Variants in B3GNT3 observed in about 807,000 individuals in gnomAD.
B3GNT3 encodes the protein UDP-GlcNAc:betaGal beta-1,3-N-acetylglucosaminyltransferase 3.
In B3GNT3, 7 loss-of-function variants were observed where a neutral mutation model predicts 11.6. The observed-to-expected ratio is 0.60, with a 90% CI of 0.34 to 1.13. The LOEUF (loss-of-function observed/expected upper bound fraction) is 1.13. Ranked by LOEUF, B3GNT3 falls within the 50% of genes most tolerant of loss-of-function variation. The probability of loss-of-function intolerance (pLI) is 0.03; values close to 1 mark genes in which losing one functional copy is unlikely to be tolerated. For missense variants in B3GNT3, 400 were observed against 507.4 expected (o/e 0.79, Z 2.03); for synonymous variants, 201 against 222.1 (o/e 0.90, Z 0.85).
intron 1 of B3GNT3, among the ~76,000 whole-genome samples, chr19:17,795,413 C>T (rs1599841604): frequency 6.6e-6 from 1 of 152,230 alleles, no homozygotes; most frequent in Admixed American, 6.5e-5. Context: ...CCAGCTCGGA[C>T]CTGGGTCGGG....
chr19:17,808,393 A>G lies in B3GNT3; in HGVS notation c.567+19A>G. The G allele has an allele frequency of 6.3e-7, 1 of 1,579,842 alleles. No homozygotes were observed. The highest frequency in any genetic ancestry group is 8.6e-7 in the Non-Finnish European group (1 of 1,159,950). On this transcript the variant is annotated intron_variant, in intron 2 of 2. Coordinates refer to ENST00000318683, the MANE Select transcript of B3GNT3 (RefSeq NM_014256.4). ...CAAGCAGGTGCGCTGGACTGGGGTC[A>G]CCTGATCGGGGCCACCTGTCCTTCT... is the stretch of plus-strand genomic sequence containing the variant.
At chr19:17,803,286 G>C (rs186457838) in intron 1 of B3GNT3, among the ~76,000 whole-genome samples, 1 of 152,134 alleles carries the variant, frequency 6.6e-6, no homozygotes, top group African/African-American at 2.4e-5. Flanking sequence ...GATTACAGAC[G>C]TGGGCCACAG....
intron 1 of B3GNT3, among the ~76,000 whole-genome samples, chr19:17,801,184 T>TTTTGTTTG (rs1031057561): frequency 2.0e-5 from 3 of 152,174 alleles, no homozygotes; most frequent in African/African-American, 7.2e-5. Flanking sequence ...GCAGCACTTT[T>TTTTGTTTG]TTTGTTTGTT....
At chr19:17,796,465 AG>A (rs1218731333) in intron 1 of B3GNT3, among the ~76,000 whole-genome samples, 4 of 152,178 alleles carry the variant, frequency 2.6e-5, no homozygotes, top group African/African-American at 9.6e-5. Context: ...GGACTCCTGC[AG>A]TCCAGATCTG....
rs1031756415 is a variant in B3GNT3 at position 17,811,375 on chromosome 19, T to C, written c.568-196T>C. 2.0e-5 allele frequency among the ~76,000 whole-genome samples: 3 copies of C among 152,182 alleles called. No homozygotes were observed. The highest frequency in any genetic ancestry group is 4.8e-5 in the African/African-American group (2 of 41,446). On this transcript the variant is annotated intron_variant, in intron 2 of 2. Coordinates refer to ENST00000318683, the MANE Select transcript of B3GNT3 (RefSeq NM_014256.4). The surrounding 1 kb of genome is among the most constrained non-coding windows in gnomAD (Gnocchi z 4.1). Reference sequence around the variant, plus strand: ...ATTCCCCAACACTCCTAGAGGCACATGATAAGGCCTGTTTGGAGAGTTGAA... The same window carrying C: ...ATTCCCCAACACTCCTAGAGGCACACGATAAGGCCTGTTTGGAGAGTTGAA...
intron 1 of B3GNT3, among the ~76,000 whole-genome samples, chr19:17,806,933 C>T (rs1445356066): frequency 7.1e-6 from 1 of 140,420 alleles, no homozygotes; most frequent in African/African-American, 2.7e-5. Flanking sequence ...GCCTGGGCAA[C>T]TCCATCTCAA....
chr19:17,799,657 A>G (rs1028805112), intron 1 of B3GNT3, among the ~76,000 whole-genome samples: 2 of 152,002 alleles, frequency 1.3e-5, no homozygotes, highest in Non-Finnish European at 2.9e-5. Flanking sequence ...TAGCTGGGTC[A>G]GAAGGCCCTT....
In B3GNT3 at chr19:17,808,172, G is replaced by T; in HGVS notation, c.365G>T (p.Arg122Leu). 6.2e-7 allele frequency: 1 copy of T among 1,610,782 alleles called. No individual in the cohort carries two copies. The highest frequency in any genetic ancestry group is 8.5e-7 in the Non-Finnish European group (1 of 1,178,248). The change falls in exon 2 of 3, where the codon CGC becomes CTC. Residue 122 changes from arginine to leucine, a missense_variant. Arg to Leu is a moderately radical substitution (Grantham distance 102). Coordinates refer to ENST00000318683, the MANE Select transcript of B3GNT3 (RefSeq NM_014256.4). ...VIKSSPSNYV[R>L]RELLRRTWGR... ...AAGTCCTCCCCTAGCAACTATGTGC[G>T]CCGCGAGCTGCTGCGGCGCACGTGG...
Position 17,804,477 on chromosome 19 carries a change from T to G in B3GNT3, c.-50-3281T>G, listed in dbSNP as rs564663805. Among the ~76,000 whole-genome samples the G allele has an allele frequency of 5.0e-3, 746 of 148,056 alleles. 11 individuals carry two copies. Among genetic ancestry groups the G allele is most frequent in the African/African-American group, 0.018 (720 of 40,214 alleles). On this transcript the variant is annotated intron_variant, in intron 1 of 2. Coordinates refer to ENST00000318683, the MANE Select transcript of B3GNT3 (RefSeq NM_014256.4). ...CTGATCTCGAACTCCTGAGCTCAAGTGATTGCCTCGGCTTCCCAAAGTGCT... is the reference window on the plus strand; with the variant it reads ...CTGATCTCGAACTCCTGAGCTCAAGGGATTGCCTCGGCTTCCCAAAGTGCT...
chr19:17,811,821 T>G lies in B3GNT3; in HGVS notation c.818T>G (p.Phe273Cys). The G allele has an allele frequency of 6.2e-7, 1 of 1,614,188 alleles. No individual in the cohort carries two copies. Among genetic ancestry groups the G allele is most frequent in the Non-Finnish European group, 8.5e-7 (1 of 1,180,018 alleles). ...RYPPYCGGGG[F>C]LLSRFTAAAL... ...CCACCCTATTGTGGGGGTGGTGGCT[T>G]CTTGCTGTCCCGCTTCACGGCCGCT... Residue 273 changes from phenylalanine to cysteine, a missense_variant, in exon 3 of 3, where the codon TTC becomes TGC. Phe to Cys is a radical substitution (Grantham distance 205, BLOSUM62 -2). Coordinates refer to ENST00000318683, the MANE Select transcript of B3GNT3 (RefSeq NM_014256.4). This position sits in a 1 kb window ranked among gnomAD's most constrained non-coding sequence, Gnocchi z 4.1.
At chr19:17,799,220 C>A (rs1019363587) in intron 1 of B3GNT3, among the ~76,000 whole-genome samples, 4 of 150,802 alleles carry the variant, frequency 2.7e-5, no homozygotes, top group Non-Finnish European at 4.4e-5. Context: ...GGAGAAACAG[C>A]GGCCACAGCA....
intron 1 of B3GNT3, among the ~76,000 whole-genome samples, chr19:17,797,579 A>G (rs1342274297): frequency 6.6e-6 from 1 of 152,132 alleles, no homozygotes; most frequent in Non-Finnish European, 1.5e-5. Flanking sequence ...CAGTTCCTGC[A>G]ATGGGGTAGG....
intron 2 of B3GNT3, 69 bp downstream of exon 2, chr19:17,808,443 A>C: frequency 2.0e-6 from 3 of 1,466,074 alleles, no homozygotes; most frequent in Non-Finnish European, 2.8e-6. Flanking sequence ...CCCACTCCTG[A>C]GGGACCCAGG....
chr19:17,809,704 C>T (rs1338965604), intron 2 of B3GNT3, among the ~76,000 whole-genome samples: 1 of 151,978 alleles, frequency 6.6e-6, no homozygotes, highest in Non-Finnish European at 1.5e-5. Flanking sequence ...CTGCCTTGGC[C>T]TCCCAAAGTG....
At chr19:17,810,187 T>G (rs1447478450) in intron 2 of B3GNT3, among the ~76,000 whole-genome samples, 1 of 152,134 alleles carries the variant, frequency 6.6e-6, no homozygotes, top group African/African-American at 2.4e-5. Context: ...CTTAACATGC[T>G]GTGTTCTGAA....
In B3GNT3 at chr19:17,811,744, T is replaced by A; in HGVS notation, c.741T>A (p.Ala247=). The A allele has an allele frequency of 6.2e-7, 1 of 1,614,232 alleles. No individual in the cohort carries two copies. The highest frequency in any genetic ancestry group is 1.3e-5 in the African/African-American group (1 of 75,068). ...TCCAAAACGTGGGCCCCATCCGGGC[T>A]TTTTGGAGCAAGTACTATGTGCCAG... The part of the protein sequence containing the change: ...QLIQNVGPIR[A]FWSKYYVPEV... The change falls in exon 3 of 3, where the codon GCT becomes GCA. Residue 247 remains alanine (A), a synonymous_variant. Coordinates refer to ENST00000318683, the MANE Select transcript of B3GNT3 (RefSeq NM_014256.4). This position sits in a 1 kb window ranked among gnomAD's most constrained non-coding sequence, Gnocchi z 4.1.
In B3GNT3 at chr19:17,807,960, T is replaced by TCCTGGCCC; in HGVS notation, c.155_156insTGGCCCCC (p.Pro53GlyfsTer63). 1 of 1,609,550 alleles carries TCCTGGCCC rather than the reference T, an allele frequency of 6.2e-7. No homozygotes were observed. The highest frequency in any genetic ancestry group is 8.5e-7 in the Non-Finnish European group (1 of 1,178,132). The stretch of plus-strand genomic sequence containing the variant: ...TCCCCGAGGCCCTGGCCTGGCCCAC[T>TCCTGGCCC]CCACCCACCCGCCCAGCCCCGGCCC... On this transcript the variant is annotated frameshift_variant, in exon 2 of 3. Coordinates refer to ENST00000318683, the MANE Select transcript of B3GNT3 (RefSeq NM_014256.4). LOFTEE classifies it high-confidence loss of function.
At chr19:17,807,142 G>GTGTGTGTGTGTGTGTGTGTGTA (rs2094174133) in intron 1 of B3GNT3, among the ~76,000 whole-genome samples, 1 of 150,392 alleles carries the variant, frequency 6.6e-6, no homozygotes, top group Admixed American at 6.7e-5. Context: ...GTGTGTGTGT[G>GTGTGTGTGTGTGTGTGTGTGTA]TGTATTGGAG....
intron 1 of B3GNT3, among the ~76,000 whole-genome samples, chr19:17,796,435 C>T (rs1016844825): frequency 6.6e-6 from 1 of 152,178 alleles, no homozygotes; most frequent in South Asian, 2.1e-4. Flanking sequence ...AAACTGAGGT[C>T]GCCCCTCAAC....
Sources: gnomAD v4.1 joint callset for allele counts (sites outside exome capture counted in the v4.1 genomes callset) on GRCh38, gnomAD v4.1.1 for gene constraint, Gnocchi (gnomAD v3.1) non-coding constraint, MANE v1.5 for transcripts, NCBI Gene and HGNC (gene_info 2026-07-23, HGNC 2026-07-21) for gene names.